The following EIF4G3 variants were observed in gnomAD, a reference collection of about 807,000 sequenced individuals.
EIF4G3 encodes eIF-4-gamma 3.
Under a neutral mutation model 186.4 loss-of-function variants are expected in EIF4G3, and 34 were observed. That is an observed-to-expected ratio of 0.18 (90% CI 0.14 to 0.24). The LOEUF (loss-of-function observed/expected upper bound fraction) is 0.24, where lower values mean the gene tolerates loss of function less well. Among genes scored for constraint, EIF4G3 ranks in the 10% least tolerant of loss-of-function variants. The probability of loss-of-function intolerance (pLI) is 1.00; values close to 1 mark genes in which losing one functional copy is unlikely to be tolerated. For missense variants in EIF4G3, 1,536 were observed against 1,948.5 expected (o/e 0.79, Z 3.99); for synonymous variants, 673 against 679.5 (o/e 0.99, Z 0.15).
At chr1:20,853,722 A>G (rs746343604) in intron 26 of EIF4G3, 45 bp from the exon 27 acceptor site, 9 of 1,422,050 alleles carry the variant, frequency 6.3e-6, no homozygotes, top group Admixed American at 3.4e-5. Flanking sequence ...TCACATGACT[A>G]AAATGCAAAT....
At chr1:20,859,239 A>G (rs1052152635) in intron 24 of EIF4G3, among the ~76,000 whole-genome samples, 3 of 152,168 alleles carry the variant, frequency 2.0e-5, no homozygotes, top group Non-Finnish European at 4.4e-5. Context: ...TCCTCCATGA[A>G]TTAGGCTTTG....
chr1:21,118,263 A>G (rs2102311331), intron 2 of EIF4G3, among the ~76,000 whole-genome samples: 1 of 152,350 alleles, frequency 6.6e-6, no homozygotes. Flanking sequence ...ATTTCAGTAT[A>G]CAACACTTTG....
intron 30 of EIF4G3, among the ~76,000 whole-genome samples, chr1:20,833,753 G>A (rs1022325027): frequency 6.6e-6 from 1 of 151,992 alleles, no homozygotes; most frequent in Non-Finnish European, 1.5e-5. Context: ...ATTCAACAAC[G>A]CTTCATGCTA....
chr1:20,862,201 CTTA>C (rs765386944), intron 23 of EIF4G3, 24 bp downstream of exon 23: 19 of 1,371,154 alleles, frequency 1.4e-5, no homozygotes, highest in Admixed American at 7.6e-5. Context: ...GACCAGCAGG[CTTA>C]TTATTATTTT....
At chr1:20,940,872 T>C (rs1490901055) in intron 14 of EIF4G3, among the ~76,000 whole-genome samples, 1 of 152,154 alleles carries the variant, frequency 6.6e-6, no homozygotes, top group Admixed American at 6.5e-5. Context: ...CTGGGAAGAA[T>C]ATAATACTCC....
chr1:21,119,017 C>T (rs2096880811), intron 2 of EIF4G3, among the ~76,000 whole-genome samples: 1 of 149,324 alleles, frequency 6.7e-6, no homozygotes, highest in Non-Finnish European at 1.5e-5. Flanking sequence ...ATCTGCATTA[C>T]TGGAAATTTT....
chr1:20,966,694 G>A (rs948620279), intron 12 of EIF4G3, among the ~76,000 whole-genome samples: 1 of 152,016 alleles, frequency 6.6e-6, no homozygotes, highest in East Asian at 1.9e-4. Context: ...GGGTGGTTTC[G>A]AACTTCTGAC....
At chr1:20,931,550 G>A (rs546108238) in intron 14 of EIF4G3, among the ~76,000 whole-genome samples, 1 of 152,294 alleles carries the variant, frequency 6.6e-6, no homozygotes, top group South Asian at 2.1e-4. Flanking sequence ...GTCACCGGCT[G>A]CATAAGCCCC....
intron 3 of EIF4G3, among the ~76,000 whole-genome samples, chr1:21,086,912 C>G (rs1205748472): frequency 6.8e-6 from 1 of 147,918 alleles, no homozygotes; most frequent in Non-Finnish European, 1.5e-5. Context: ...GCACTCCAGC[C>G]TGGGCAACAG....
intron 9 of EIF4G3, 86 bp from the exon 10 acceptor site, chr1:20,980,534 T>C: frequency 1.1e-6 from 1 of 916,086 alleles, no homozygotes; most frequent in Non-Finnish European, 1.6e-6. Flanking sequence ...AGTAGCTTAC[T>C]ACAGAAAGTA....
chr1:20,938,796 G>C (rs1272031582), intron 14 of EIF4G3, among the ~76,000 whole-genome samples: 1 of 152,142 alleles, frequency 6.6e-6, no homozygotes, highest in Non-Finnish European at 1.5e-5. Flanking sequence ...GGTCAGAAAT[G>C]CTTCTGAGGC....
chr1:21,168,398 C>G (rs752920692), intron 2 of EIF4G3, among the ~76,000 whole-genome samples: 16 of 150,568 alleles, frequency 1.1e-4, no homozygotes, highest in Non-Finnish European at 1.9e-4. Context: ...AGCGAGGCTC[C>G]GTCTCAATTT....
intron 3 of EIF4G3, among the ~76,000 whole-genome samples, chr1:21,056,617 A>G (rs181769481): frequency 6.6e-6 from 1 of 152,250 alleles, no homozygotes; most frequent in African/African-American, 2.4e-5. Context: ...TCCTAAATTA[A>G]TGATTACTGA....
At chr1:20,911,286 G>C (rs533974468) in intron 14 of EIF4G3, among the ~76,000 whole-genome samples, 1 of 152,150 alleles carries the variant, frequency 6.6e-6, no homozygotes, top group African/African-American at 2.4e-5. Context: ...ATGTAAAAGA[G>C]GTTGAGAGCA....
chr1:20,942,382 T>C, intron 13 of EIF4G3, 52 bp from the exon 14 acceptor site: 2 of 1,513,652 alleles, frequency 1.3e-6, no homozygotes, highest in Non-Finnish European at 1.8e-6. Flanking sequence ...AGAGACTACA[T>C]ATTGCCTTGG....
At chr1:20,962,908 G>GTTTTTT (rs66593105) in intron 12 of EIF4G3, among the ~76,000 whole-genome samples, 6 of 139,180 alleles carry the variant, frequency 4.3e-5, no homozygotes, top group African/African-American at 1.6e-4. Flanking sequence ...TTGTAGTTTT[G>GTTTTTT]TTTTTTTTTT....
At chr1:21,073,531 C>G (rs1465338531) in intron 3 of EIF4G3, 8 of 375,514 alleles carry the variant, frequency 2.1e-5, no homozygotes, top group Admixed American at 2.0e-4. Context: ...CCATGAACAG[C>G]TGAATACATT....
intron 35 of EIF4G3, among the ~76,000 whole-genome samples, chr1:20,812,683 A>C (rs2059489888): frequency 6.6e-6 from 1 of 152,248 alleles, no homozygotes; most frequent in Non-Finnish European, 1.5e-5. Flanking sequence ...ATAAGCCAAT[A>C]AAATTGTCTT....
At position 20,860,398 on chromosome 1, in the gene EIF4G3, C is replaced by T; in HGVS notation, c.3231G>A (p.Glu1077=). ...TTCCGGCCTCACCTGGTCTTCTCTT[C>T]TCTTTGGTCATGAGTTGCTGGACCT... ...QRKVQQLMTK[E]KRRPGVQRVD... Residue 1077 remains glutamate (E), a synonymous_variant, in exon 24 of 37, where the codon GAG becomes GAA. Transcript: ENST00000602326. 1 of 1,614,092 alleles carries T rather than the reference C, an allele frequency of 6.2e-7. No individual in the cohort carries two copies. The highest frequency in any genetic ancestry group is 8.5e-7 in the Non-Finnish European group (1 of 1,180,012).
Sources: gnomAD v4.1 joint callset for allele counts (sites outside exome capture counted in the v4.1 genomes callset) on GRCh38, gnomAD v4.1.1 for gene constraint, MANE v1.5 for transcripts, NCBI Gene and HGNC (gene_info 2026-07-23, HGNC 2026-07-21) for gene names.